SLC1A3: variants seen among roughly 807,000 people sequenced by gnomAD.
SLC1A3 encodes solute carrier family 1 member 3.
Under a neutral mutation model 48.1 loss-of-function variants are expected in SLC1A3, and 21 were observed. The observed-to-expected ratio is 0.44, with a 90% CI of 0.31 to 0.63. SLC1A3 has a LOEUF of 0.63. SLC1A3 is among the 20% of genes least tolerant of loss of function. The pLI, the probability that SLC1A3 is intolerant of heterozygous loss-of-function variation, is 0.08. For missense variants in SLC1A3, 546 were observed against 689.0 expected, an observed-to-expected ratio of 0.79 and a Z score of 2.32; for synonymous variants, 239 against 251.4, an observed-to-expected ratio of 0.95 and a Z score of 0.47.
intron 3 of SLC1A3, among the ~76,000 whole-genome samples, chr5:36,654,447 T>G (rs1267972589): frequency 1.3e-5 from 2 of 152,196 alleles, no homozygotes; most frequent in African/African-American, 4.8e-5. Context: ...ATTCGAAAGT[T>G]ATTCCACACA....
chr5:36,679,457 A>G (rs1428608558), intron 6 of SLC1A3, among the ~76,000 whole-genome samples, 170 bp from the exon 7 acceptor site: 1 of 152,206 alleles, frequency 6.6e-6, no homozygotes, highest in East Asian at 1.9e-4. Flanking sequence ...AAAGAAGTCC[A>G]CAGTTTCTGT....
intron 1 of SLC1A3, among the ~76,000 whole-genome samples, chr5:36,597,613 A>G (rs186362216): frequency 1.4e-4 from 22 of 152,258 alleles, no homozygotes; most frequent in Admixed American, 3.9e-4. Context: ...ATCTTGTTTC[A>G]GCTTTGTTCC....
At chr5:36,624,420 T>C (rs1385910195) in intron 2 of SLC1A3, among the ~76,000 whole-genome samples, 1 of 152,192 alleles carries the variant, frequency 6.6e-6, no homozygotes, top group Non-Finnish European at 1.5e-5. Context: ...AGCCACTCCA[T>C]GGACTTAGGT....
chr5:36,670,006 G>A (rs890885324), intron 3 of SLC1A3: 6 of 151,374 alleles, frequency 4.0e-5, no homozygotes, highest in African/African-American at 1.5e-4. Flanking sequence ...CACTATAATT[G>A]GATTTTAGTG....
At chr5:36,655,169 T>C (rs1741237985) in intron 3 of SLC1A3, among the ~76,000 whole-genome samples, 1 of 152,218 alleles carries the variant, frequency 6.6e-6, no homozygotes, top group East Asian at 1.9e-4. Flanking sequence ...AGGCATTGGC[T>C]AATGTCAGTG....
chr5:36,681,144 T>A (rs2364935), intron 8 of SLC1A3, among the ~76,000 whole-genome samples: 68,902 of 152,020 alleles, frequency 0.45, 17,673 homozygotes, highest in African/African-American at 0.69. Flanking sequence ...TCGCTCCACA[T>A]CCTTCTGTAA....
chr5:36,610,677 G>GTT (rs1739156560), intron 2 of SLC1A3, among the ~76,000 whole-genome samples: 2 of 152,102 alleles, frequency 1.3e-5, no homozygotes, highest in Admixed American at 1.3e-4. Context: ...TTAAAAGTCT[G>GTT]TTTTTCTCTA....
Position 36,633,208 on chromosome 5 carries a change from T to G in SLC1A3, c.319+3621T>G, listed in dbSNP as rs556172122. Among the ~76,000 whole-genome samples the G allele has an allele frequency of 1.3e-5, 2 of 152,338 alleles. 1 individual carries two copies. Among genetic ancestry groups the G allele is most frequent in the South Asian group, 4.1e-4 (2 of 4,834 alleles). ...TAGACATAACTATTACCTCCTCACT[T>G]CTGAATCTTTTCAGAAACTAGTGCT... On this transcript the variant is annotated intron_variant, in intron 3 of 9. Transcript: ENST00000265113.
At chr5:36,649,927 G>C (rs1740993143) in intron 3 of SLC1A3, among the ~76,000 whole-genome samples, 1 of 152,190 alleles carries the variant, frequency 6.6e-6, no homozygotes, top group Non-Finnish European at 1.5e-5. Flanking sequence ...GAAAATCACT[G>C]TGTGAGTTTT....
At chr5:36,628,767 G>T (rs184514895) in intron 2 of SLC1A3, among the ~76,000 whole-genome samples, 1 of 152,138 alleles carries the variant, frequency 6.6e-6, no homozygotes, top group African/African-American at 2.4e-5. Context: ...GGAAAATTGC[G>T]TTCTCTTTCC....
At chr5:36,617,953 G>A (rs1431899317) in intron 2 of SLC1A3, among the ~76,000 whole-genome samples, 4 of 151,766 alleles carry the variant, frequency 2.6e-5, no homozygotes, top group Admixed American at 6.6e-5. Flanking sequence ...TTGCTAATTT[G>A]TACTCCATAG....
intron 3 of SLC1A3, among the ~76,000 whole-genome samples, 197 bp downstream of exon 3, chr5:36,629,784 A>G (rs1375757558): frequency 6.6e-6 from 1 of 152,148 alleles, no homozygotes; most frequent in Non-Finnish European, 1.5e-5. Flanking sequence ...TTTACCAATC[A>G]CAAGAGGAAA....
At chr5:36,685,966 A>G (rs1561288425) in intron 9 of SLC1A3, 99 bp from the exon 10 acceptor site, 11 of 870,528 alleles carry the variant, frequency 1.3e-5, no homozygotes, top group Non-Finnish European at 7.8e-6. Context: ...GGCGAACTGA[A>G]TGTTAAGAGG....
chr5:36,663,601 T>C (rs1010537961), intron 3 of SLC1A3, among the ~76,000 whole-genome samples: 1 of 152,146 alleles, frequency 6.6e-6, no homozygotes, highest in Non-Finnish European at 1.5e-5. Flanking sequence ...TGACAAGTTT[T>C]AAGGGTCAAA....
At chr5:36,602,481 C>T (rs986868224), upstream of SLC1A3, among the ~76,000 whole-genome samples, 5 of 152,130 alleles carry the variant, frequency 3.3e-5, no homozygotes, top group African/African-American at 4.8e-5. Context: ...TCCAGCTAAA[C>T]GGATATTCTT....
intron 3 of SLC1A3, among the ~76,000 whole-genome samples, chr5:36,644,800 T>C (rs1740768998): frequency 6.6e-6 from 1 of 152,320 alleles, no homozygotes; most frequent in Middle Eastern, 3.4e-3. Context: ...AGGATGTTAG[T>C]CTGTGGGTCA....
chr5:36,605,732 A>G (rs993058172), upstream of SLC1A3, among the ~76,000 whole-genome samples: 2 of 152,138 alleles, frequency 1.3e-5, no homozygotes, highest in Non-Finnish European at 2.9e-5. Context: ...TTTATTTTCT[A>G]ATATCTATTT....
intron 2 of SLC1A3, among the ~76,000 whole-genome samples, chr5:36,619,350 G>A (rs1739574772): frequency 6.6e-6 from 1 of 152,192 alleles, no homozygotes; most frequent in African/African-American, 2.4e-5. Flanking sequence ...GTAAAAATAA[G>A]CCAATACAGC....
At chr5:36,686,035 G>A (rs777070641) in intron 9 of SLC1A3, 30 bp from the exon 10 acceptor site, 20 of 1,601,942 alleles carry the variant, frequency 1.2e-5, no homozygotes, top group Admixed American at 1.2e-4. Context: ...CGGGAGCCTC[G>A]TTTTTCCCTC....
Sources: allele counts gnomAD v4.1 joint callset (sites outside exome capture counted in the v4.1 genomes callset), GRCh38; gene constraint gnomAD v4.1.1; transcripts MANE v1.5; gene names NCBI Gene and HGNC (gene_info 2026-07-23, HGNC 2026-07-21).